ARHGAP32: variants seen among roughly 807,000 people sequenced by gnomAD.
The protein encoded by ARHGAP32 is rho GTPase-activating protein 32.
In ARHGAP32, 51 loss-of-function variants were observed where a neutral mutation model predicts 186.5. The ratio of observed to expected loss-of-function variants is 0.27; its 90% CI spans 0.22 to 0.35. ARHGAP32 has a LOEUF of 0.35. Among genes scored for constraint, ARHGAP32 ranks in the 10% least tolerant of loss-of-function variants. ARHGAP32 has a pLI of 1.00. For missense variants in ARHGAP32, 2,186 were observed against 2,623.5 expected (o/e 0.83, Z 3.64); for synonymous variants, 950 against 964.3 (o/e 0.99, Z 0.27).
Position 129,123,369 on chromosome 11 carries a change from G to GAT in ARHGAP32, c.444+75_444+76dup, listed in dbSNP as rs1942580102. 4 of 1,194,818 alleles carry GAT rather than the reference G, an allele frequency of 3.3e-6. No individual in the cohort carries two copies. The African/African-American group carries it at 4.6e-5, about 14-fold the overall frequency. The allele number at this position is 1,194,818 out of a possible 1,614,324, so 74.0% of individuals were successfully genotyped here. On this transcript the variant is annotated intron_variant, in intron 5 of 22. Transcript: ENST00000682385. This position sits in a 1 kb window ranked among gnomAD's most constrained non-coding sequence, Gnocchi z 4.6. ...TTCAAAGTGTCATCTATTAGATACAGATATATAGATAAGCATCTAGATATA... is the reference window on the plus strand; with the variant it reads ...TTCAAAGTGTCATCTATTAGATACAGATATATATAGATAAGCATCTAGATATA...
chr11:129,085,042 G>C (rs976299476), intron 6 of ARHGAP32, among the ~76,000 whole-genome samples: 1 of 150,118 alleles, frequency 6.7e-6, no homozygotes, highest in African/African-American at 2.5e-5. Context: ...TTTTTTTTTA[G>C]AGACAAAGTC....
chr11:129,273,433 T>C (rs1945494908), intron 1 of ARHGAP32, among the ~76,000 whole-genome samples: 1 of 152,190 alleles, frequency 6.6e-6, no homozygotes, highest in African/African-American at 2.4e-5. Flanking sequence ...TCTCCTTAGG[T>C]AGGTCAATGG....
At chr11:129,119,218 G>C (rs969984926) in intron 5 of ARHGAP32, among the ~76,000 whole-genome samples, 6 of 151,908 alleles carry the variant, frequency 3.9e-5, no homozygotes, top group African/African-American at 1.5e-4. Flanking sequence ...TCAGTGTGAA[G>C]ATAAGGAAAG....
At chr11:129,124,473 T>C (rs1942611028) in intron 3 of ARHGAP32, among the ~76,000 whole-genome samples, 1 of 152,114 alleles carries the variant, frequency 6.6e-6, no homozygotes, top group African/African-American at 2.4e-5. Context: ...AATAATCTCA[T>C]AACTCAAACA....
chr11:129,251,133 G>A (rs577770382), intron 1 of ARHGAP32, among the ~76,000 whole-genome samples: 1 of 152,318 alleles, frequency 6.6e-6, no homozygotes, highest in African/African-American at 2.4e-5. Flanking sequence ...CTATCTTGAT[G>A]AGGCACCACT....
intron 1 of ARHGAP32, among the ~76,000 whole-genome samples, chr11:129,183,411 T>C (rs932988185): frequency 4.6e-5 from 7 of 152,184 alleles, no homozygotes; most frequent in Non-Finnish European, 7.4e-5. Context: ...TAAACTAACA[T>C]CTTTATGGTG....
At chr11:129,085,902 C>A (rs1387688785) in intron 6 of ARHGAP32, among the ~76,000 whole-genome samples, 1 of 150,876 alleles carries the variant, frequency 6.6e-6, no homozygotes, top group Non-Finnish European at 1.5e-5. Flanking sequence ...GCTGAGGCAG[C>A]AGAAAGGCGT....
chr11:129,026,102 T>C (rs950293886), intron 11 of ARHGAP32, among the ~76,000 whole-genome samples: 3 of 151,660 alleles, frequency 2.0e-5, no homozygotes, highest in African/African-American at 7.3e-5. Flanking sequence ...AGAAAAAGAG[T>C]GCTGCCAAAG....
At chr11:129,184,141 T>C (rs1169886103) in intron 1 of ARHGAP32, among the ~76,000 whole-genome samples, 1 of 151,600 alleles carries the variant, frequency 6.6e-6, no homozygotes, top group Non-Finnish European at 1.5e-5. Flanking sequence ...GCCCCCAGGG[T>C]ACTAACAAAA....
rs374160962 is a variant in ARHGAP32 at position 129,087,591 on chromosome 11, A to C, written c.531+6030T>G. ...TCAGTGGTTGTCAGGGGTTAGAGAA[A>C]AGGGAAAGATGAATCAGAGGGACAC... is the stretch of plus-strand genomic sequence containing the variant. On this transcript the variant is annotated intron_variant, in intron 6 of 22. Coordinates refer to ENST00000682385, the MANE Select transcript of ARHGAP32 (RefSeq NM_001378024.1). Among the ~76,000 whole-genome samples, 79 of 152,332 alleles carry C rather than the reference A, an allele frequency of 5.2e-4. 1 individual carries two copies. Among genetic ancestry groups the C allele is most frequent in the Admixed American group, 1.7e-3 (26 of 15,298 alleles).
At chr11:129,239,416 T>C (rs1170808544) in intron 1 of ARHGAP32, among the ~76,000 whole-genome samples, 1 of 152,144 alleles carries the variant, frequency 6.6e-6, no homozygotes, top group Non-Finnish European at 1.5e-5. Flanking sequence ...TTAGGATTGG[T>C]CAGATGACCA....
intron 1 of ARHGAP32, among the ~76,000 whole-genome samples, chr11:129,251,770 A>C (rs1418113236): frequency 9.5e-5 from 3 of 31,528 alleles, no homozygotes; most frequent in African/African-American, 3.5e-4. Context: ...TTAAAAATAC[A>C]AAAAAAAAAA....
Position 129,186,725 on chromosome 11 carries a change from A to G in ARHGAP32, c.116+5358T>C, listed in dbSNP as rs915580371. Among the ~76,000 whole-genome samples, 5 of 152,212 alleles carry G rather than the reference A, an allele frequency of 3.3e-5. No homozygotes were observed. In the East Asian group the frequency reaches 9.6e-4, roughly 29 times the overall value. On this transcript the variant is annotated intron_variant, in intron 1 of 22. Transcript: ENST00000682385. Reference sequence around the variant, plus strand: ...AAAAGATTTGAACAGGCATTTCTCAAAAGACGGCAACAAATGGCAAACAAG... The same window carrying G: ...AAAAGATTTGAACAGGCATTTCTCAGAAGACGGCAACAAATGGCAAACAAG...
At chr11:129,189,881 G>A (rs973714261) in intron 1 of ARHGAP32, among the ~76,000 whole-genome samples, 13 of 152,172 alleles carry the variant, frequency 8.5e-5, no homozygotes, top group African/African-American at 2.9e-4. Flanking sequence ...TCTAGGTGTG[G>A]TATGACTTTA....
At position 129,043,449 on chromosome 11, in the gene ARHGAP32, C is replaced by T. The variant is rs547705596; in HGVS notation, c.964-2440G>A. Among the ~76,000 whole-genome samples, 62 of 147,016 alleles carry T rather than the reference C, an allele frequency of 4.2e-4. 1 individual carries two copies. Among genetic ancestry groups the T allele is most frequent in the Admixed American group, 1.7e-3 (24 of 14,498 alleles). On this transcript the variant is annotated intron_variant, in intron 10 of 22. Coordinates refer to ENST00000682385, the MANE Select transcript of ARHGAP32 (RefSeq NM_001378024.1). ...TTGCCCAGTCTGAAGTGCAACGACG[C>T]GACCTCGGCTCACTGTAACCTCCGC...
At chr11:129,181,867 A>T (rs1944061236) in intron 1 of ARHGAP32, among the ~76,000 whole-genome samples, 1 of 152,180 alleles carries the variant, frequency 6.6e-6, no homozygotes, top group Non-Finnish European at 1.5e-5. Context: ...ATTCCAACCC[A>T]TTAAATTCTC....
Position 128,969,512 on chromosome 11 carries a change from G to A in ARHGAP32, c.5701C>T (p.Gln1901Ter). 1.2e-6 allele frequency: 2 copies of A among 1,614,204 alleles called. No individual in the cohort carries two copies. Among genetic ancestry groups the A allele is most frequent in the Non-Finnish European group, 1.7e-6 (2 of 1,180,044 alleles). Residue 1901 changes from glutamine (Q) to a stop codon, truncating the protein, a stop_gained, in exon 23 of 23, where the codon CAG (glutamine) becomes TAG (stop). Transcript: ENST00000682385. LOFTEE classifies it high-confidence loss of function. The surrounding 1 kb of genome is among the most constrained non-coding windows in gnomAD (Gnocchi z 4.8). ...GGCCCATTCTTTGACTCACAGAACTGCCTATGGCTTGCTTCTTGGTGTGCC... is the reference window on the plus strand; with the variant it reads ...GGCCCATTCTTTGACTCACAGAACTACCTATGGCTTGCTTCTTGGTGTGCC... ...HRAHQEASHR[Q>*]FCESKNGPPY...
chr11:129,098,406 AT>A (rs1941792785), intron 5 of ARHGAP32, among the ~76,000 whole-genome samples: 1 of 151,414 alleles, frequency 6.6e-6, no homozygotes, highest in Non-Finnish European at 1.5e-5. Flanking sequence ...AGCATTATTT[AT>A]TTTTCTTTTT....
intron 16 of ARHGAP32, 79 bp downstream of exon 16, chr11:128,981,750 T>C (rs1397793278): frequency 4.8e-6 from 6 of 1,259,480 alleles, no homozygotes; most frequent in Non-Finnish European, 1.1e-6. Context: ...CTTTTAAAAG[T>C]TTCCTTAAAG....
Sources: gnomAD v4.1 joint callset for allele counts (sites outside exome capture counted in the v4.1 genomes callset) on GRCh38, gnomAD v4.1.1 for gene constraint, Gnocchi (gnomAD v3.1) non-coding constraint, MANE v1.5 for transcripts, NCBI Gene and HGNC (gene_info 2026-07-23, HGNC 2026-07-21) for gene names.